LAMA4: variants seen among roughly 807,000 people sequenced by gnomAD.
LAMA4 encodes the protein laminin subunit alpha 4, also known as laminin subunit alpha-4.
LAMA4 carries 127 observed loss-of-function variants against 207.1 expected under a neutral mutation model. That is an observed-to-expected ratio of 0.61 (90% CI 0.53 to 0.71). LAMA4 has a LOEUF of 0.71. LAMA4 is among the 30% of genes least tolerant of loss of function. LAMA4 has a pLI of 0.00. For missense variants in LAMA4, 2,093 were observed against 2,246.5 expected, an observed-to-expected ratio of 0.93 and a Z score of 1.38; for synonymous variants, 761 against 816.0, an observed-to-expected ratio of 0.93 and a Z score of 1.15.
chr6:112,240,094 C>T (rs1786288122), intron 2 of LAMA4, among the ~76,000 whole-genome samples: 1 of 152,094 alleles, frequency 6.6e-6, no homozygotes, highest in African/African-American at 2.4e-5. Flanking sequence ...GAATCCTTTT[C>T]ATTGTTAAAT....
At position 112,115,865 on chromosome 6, in the gene LAMA4, G is replaced by A. The variant is rs782245186; in HGVS notation, c.5110C>T (p.Gln1704Ter). The A allele has an allele frequency of 6.2e-7, 1 of 1,612,860 alleles. No individual in the cohort carries two copies. Among genetic ancestry groups the A allele is most frequent in the Non-Finnish European group, 8.5e-7 (1 of 1,179,228 alleles). The change falls in exon 36 of 39, where the codon CAG becomes TAG. Residue 1704 changes from glutamine to a stop codon, truncating the protein, a stop_gained and splice_region_variant. Coordinates refer to ENST00000230538, the MANE Select transcript of LAMA4 (RefSeq NM_001105206.3). LOFTEE classifies it high-confidence loss of function. ...GTTAAACATTTTTCAGACACTACCT[G>A]TCCATTTTTCATGTGAACATTTAGG... ...EYLNVHMKNG[Q>*]VIVKVNNGIR...
rs587637018 is a variant in LAMA4, at chr6:112,108,357, C to G, written c.*1080G>C. ...TTTCTAGACTATATTAATGTAGCTA[C>G]TTGGAAAAAAGATTATAACATTTTA... On this transcript the variant is annotated 3_prime_UTR_variant, in exon 39 of 39. Coordinates refer to ENST00000230538, the MANE Select transcript of LAMA4 (RefSeq NM_001105206.3). 1.3e-5 allele frequency among the ~76,000 whole-genome samples: 2 copies of G among 152,156 alleles called. No individual in the cohort carries two copies.
intron 13 of LAMA4, among the ~76,000 whole-genome samples, chr6:112,160,459 C>T (rs782105112): frequency 6.7e-6 from 1 of 149,450 alleles, no homozygotes; most frequent in South Asian, 2.1e-4. Flanking sequence ...AACAAACAAA[C>T]AAACAAAAAA....
Position 112,128,954 on chromosome 6 carries a change from A to C in LAMA4, c.4255T>G (p.Leu1419Val), listed in dbSNP as rs782225670. The C allele has an allele frequency of 1.3e-5, 21 of 1,613,320 alleles. No homozygotes were observed. The highest frequency in any genetic ancestry group is 1.5e-5 in the Non-Finnish European group (18 of 1,179,528). Residue 1419 changes from leucine to valine, a missense_variant, in exon 31 of 39, where the codon TTA (leucine) becomes GTA (valine). By Grantham distance (32) the Leu-to-Val change is conservative. Transcript: ENST00000230538. ...TTCTGACTTGCTTTAGGCTTGGATA[A>C]ATTTTTTCCTTTTTTATGGAGGAGA... is the stretch of plus-strand genomic sequence containing the variant. ...LFLLHKKGKN[L>V]SKPKASQNKK...
chr6:112,153,945 C>T (rs1331475383), intron 16 of LAMA4, among the ~76,000 whole-genome samples: 1 of 152,080 alleles, frequency 6.6e-6, no homozygotes, highest in African/African-American at 2.4e-5. Flanking sequence ...TGTGTAATGG[C>T]TCTTTGCAAA....
rs1554190706 is a variant in LAMA4 at position 112,254,488 on chromosome 6, G to T, written c.-171C>A. The stretch of plus-strand genomic sequence containing the variant: ...CGGCATCAAAAGGCAGACGGATTGG[G>T]GTGAGCCCCGCCAGCGCTAGGCCAC... On this transcript the variant is annotated 5_prime_UTR_variant, in exon 1 of 39. Coordinates refer to ENST00000230538, the MANE Select transcript of LAMA4 (RefSeq NM_001105206.3). 5 of 392,716 alleles carry T rather than the reference G, an allele frequency of 1.3e-5. No individual in the cohort carries two copies. The highest frequency in any genetic ancestry group is 3.8e-5 in the Admixed American group (1 of 26,016). 24.3% of individuals were successfully genotyped at this position (392,716 alleles called of 1,614,324 possible).
chr6:112,242,835 T>A (rs782474779), intron 2 of LAMA4, among the ~76,000 whole-genome samples: 5 of 152,250 alleles, frequency 3.3e-5, no homozygotes, highest in Admixed American at 1.3e-4. Flanking sequence ...CTACTCTGTA[T>A]AATATAATGT....
chr6:112,219,251 T>C (rs1305776560), intron 2 of LAMA4: 1 of 152,220 alleles, frequency 6.6e-6, no homozygotes, highest in African/African-American at 2.4e-5. Context: ...CTGGTTAATG[T>C]AATCGTTATC....
chr6:112,148,118 C>T (rs782497999), intron 18 of LAMA4, 39 bp downstream of exon 18: 76 of 1,585,750 alleles, frequency 4.8e-5, no homozygotes, highest in Non-Finnish European at 6.2e-5. Context: ...ATGGCCAATT[C>T]CTTAATTAGA....
chr6:112,244,380 G>A (rs781914278), intron 2 of LAMA4, among the ~76,000 whole-genome samples: 34 of 152,152 alleles, frequency 2.2e-4, no homozygotes, highest in Non-Finnish European at 4.7e-4. Flanking sequence ...GAAACTCACG[G>A]TTCTGAGACT....
intron 4 of LAMA4, among the ~76,000 whole-genome samples, chr6:112,203,149 G>A (rs1477059963): frequency 2.0e-5 from 3 of 152,286 alleles, no homozygotes; most frequent in African/African-American, 7.2e-5. Flanking sequence ...AACTGTTTAT[G>A]TTTTGTCTGG....
chr6:112,226,706 T>C (rs1377708203), intron 2 of LAMA4, among the ~76,000 whole-genome samples: 1 of 151,914 alleles, frequency 6.6e-6, no homozygotes, highest in Non-Finnish European at 1.5e-5. Flanking sequence ...AGCAGAAAAA[T>C]GGGTTTGAAT....
chr6:112,154,474 G>A (rs1397440178), intron 16 of LAMA4, among the ~76,000 whole-genome samples: 4 of 151,938 alleles, frequency 2.6e-5, no homozygotes, highest in South Asian at 2.1e-4. Context: ...AAAGGACTTC[G>A]AAATTGTTCA....
intron 12 of LAMA4, among the ~76,000 whole-genome samples, chr6:112,168,197 C>CAAA (rs540870021): frequency 1.5e-5 from 1 of 65,230 alleles, no homozygotes; most frequent in African/African-American, 5.2e-5. Context: ...GACTCCGTCT[C>CAAA]AAAAAAAAAA....
intron 5 of LAMA4, among the ~76,000 whole-genome samples, chr6:112,194,138 C>A (rs2114974975): frequency 6.6e-6 from 1 of 152,292 alleles, no homozygotes; most frequent in East Asian, 1.9e-4. Flanking sequence ...ATAAATTATT[C>A]CTCTATGGAA....
intron 2 of LAMA4, chr6:112,219,520 A>T (rs1258414943): frequency 2.6e-5 from 4 of 152,158 alleles, no homozygotes; most frequent in Admixed American, 1.3e-4. Flanking sequence ...CATTCAGAGG[A>T]TCTGTACCTT....
At chr6:112,155,751 G>C in intron 14 of LAMA4, 45 bp from the exon 15 acceptor site, 1 of 1,599,940 alleles carries the variant, frequency 6.3e-7, no homozygotes, top group Non-Finnish European at 8.6e-7. Context: ...TACCTTCTTG[G>C]GGAATGGGGC....
intron 2 of LAMA4, among the ~76,000 whole-genome samples, chr6:112,220,389 G>C (rs2157547): frequency 0.13 from 19,540 of 152,000 alleles, 1,601 homozygotes; most frequent in Middle Eastern, 0.24. Context: ...GGTCTGGCTT[G>C]GAGTAAAATC....
At chr6:112,165,746 T>C (rs1383694319) in intron 12 of LAMA4, among the ~76,000 whole-genome samples, 1 of 152,204 alleles carries the variant, frequency 6.6e-6, no homozygotes, top group African/African-American at 2.4e-5. Flanking sequence ...TTATGTCCTT[T>C]TAAAAATTAA....
Sources: gnomAD v4.1 joint callset for allele counts (sites outside exome capture counted in the v4.1 genomes callset) on GRCh38, gnomAD v4.1.1 for gene constraint, MANE v1.5 for transcripts, NCBI Gene and HGNC (gene_info 2026-07-23, HGNC 2026-07-21) for gene names.